Variants in C10orf90 observed in about 807,000 individuals in gnomAD.
The protein encoded by C10orf90 is (E2-independent) E3 ubiquitin-conjugating enzyme FATS.
C10orf90 carries 56 observed loss-of-function variants against 62.5 expected under a neutral mutation model. The ratio of observed to expected loss-of-function variants is 0.90; its 90% confidence interval spans 0.72 to 1.12. The LOEUF is 1.12. C10orf90 is among the 50% of genes most tolerant of loss of function. The pLI, the probability that C10orf90 is intolerant of heterozygous loss-of-function variation, is 0.00. For synonymous variants in C10orf90, 386 were observed against 340.4 expected (o/e 1.13, Z -1.47); for missense variants, 970 against 880.4 (o/e 1.10, Z -1.29).
At chr10:126,604,001 C>G (rs548771648) in intron 2 of C10orf90, among the ~76,000 whole-genome samples, 1 of 152,152 alleles carries the variant, frequency 6.6e-6, no homozygotes, top group African/African-American at 2.4e-5. Flanking sequence ...GAGCTCGAAG[C>G]CTGGAGTTGA....
chr10:126,538,497 A>T (rs925451197), intron 2 of C10orf90, among the ~76,000 whole-genome samples: 7 of 152,208 alleles, frequency 4.6e-5, no homozygotes, highest in African/African-American at 1.7e-4. Flanking sequence ...AGAACTGTGC[A>T]TCAATAAATG....
rs1031776239 is a variant in C10orf90, at chr10:126,583,541, T to C, written c.313+63024A>G. Among the ~76,000 whole-genome samples the C allele has an allele frequency of 3.2e-4, 49 of 152,238 alleles. 1 individual carries two copies. Among genetic ancestry groups the C allele is most frequent in the Non-Finnish European group, 2.9e-5 (2 of 68,050 alleles). On this transcript the variant is annotated intron_variant, in intron 2 of 9. Coordinates refer to ENST00000488181, the MANE Select transcript of C10orf90 (RefSeq NM_001350921.2). ...AGATTGAACACTATCAATTTTTTTC[T>C]TTTAAATAATCATTTCTTGGCATTT...
intron 2 of C10orf90, among the ~76,000 whole-genome samples, chr10:126,623,158 G>C (rs1273225678): frequency 1.3e-5 from 2 of 152,102 alleles, no homozygotes; most frequent in Non-Finnish European, 2.9e-5. Context: ...AAAAACCCAA[G>C]TCAGAGCAAG....
Position 126,615,158 on chromosome 10 carries a change from C to A in C10orf90, c.313+31407G>T, listed in dbSNP as rs772069121. ...AGGTTTCCAGAAATTAGAGAGGATG[C>A]GCCCTACCTCACCAAACCTGTCAAG... On this transcript the variant is annotated intron_variant, in intron 2 of 9. Transcript: ENST00000488181. Among the ~76,000 whole-genome samples the A allele has an allele frequency of 3.3e-5, 5 of 152,108 alleles. No individual in the cohort carries two copies. In the East Asian group the frequency reaches 5.8e-4, roughly 18 times the overall value.
At chr10:126,645,504 C>T (rs906669652) in intron 2 of C10orf90, among the ~76,000 whole-genome samples, 1 of 150,252 alleles carries the variant, frequency 6.7e-6, no homozygotes, top group East Asian at 2.0e-4. Flanking sequence ...GTGGGAGGAT[C>T]GCTTGAGCCC....
At position 126,532,862 on chromosome 10, in the gene C10orf90, G is replaced by GAAAAAAAA. The variant is rs1564860259; in HGVS notation, c.314-18924_314-18923insTTTTTTTT. Among the ~76,000 whole-genome samples the GAAAAAAAA allele has an allele frequency of 2.3e-4, 5 of 22,130 alleles. 1 individual carries two copies. The highest frequency in any genetic ancestry group is 5.0e-4 in the Non-Finnish European group (4 of 7,998). 14.5% of individuals were successfully genotyped at this position (22,130 alleles called of 152,430 possible). On this transcript the variant is annotated intron_variant, in intron 2 of 9. Coordinates refer to ENST00000488181, the MANE Select transcript of C10orf90 (RefSeq NM_001350921.2). ...CGTCTCAAAAAAAAAAAAAAATAGT[G>GAAAAAAAA]AGCACAAAACAAGTGTTTTCAAAAA...
At chr10:126,653,064 A>T (rs964163602) in intron 1 of C10orf90, among the ~76,000 whole-genome samples, 1 of 152,238 alleles carries the variant, frequency 6.6e-6, no homozygotes, top group African/African-American at 2.4e-5. Context: ...TTACTGCTAA[A>T]ACAAAAATGC....
chr10:126,478,593 C>A (rs1202024612), intron 4 of C10orf90, among the ~76,000 whole-genome samples: 1 of 152,170 alleles, frequency 6.6e-6, no homozygotes, highest in Admixed American at 6.5e-5. Context: ...ACCTCTCACC[C>A]CCGTGCTCAA....
At chr10:126,609,689 A>G (rs1845390937) in intron 2 of C10orf90, among the ~76,000 whole-genome samples, 1 of 152,232 alleles carries the variant, frequency 6.6e-6, no homozygotes, top group Non-Finnish European at 1.5e-5. Flanking sequence ...CCTTAGGAGC[A>G]GTGGCTTAGA....
chr10:126,660,969 C>G (rs1269957356), intron 1 of C10orf90, among the ~76,000 whole-genome samples: 1 of 152,176 alleles, frequency 6.6e-6, no homozygotes, highest in Non-Finnish European at 1.5e-5. Flanking sequence ...ATGGGACAAC[C>G]TTGAGAATCT....
At chr10:126,596,026 A>G (rs1372371527) in intron 2 of C10orf90, among the ~76,000 whole-genome samples, 1 of 152,186 alleles carries the variant, frequency 6.6e-6, no homozygotes, top group African/African-American at 2.4e-5. Flanking sequence ...AACACAGGAG[A>G]AAATCTTTGT....
intron 4 of C10orf90, chr10:126,469,854 G>A (rs1860475293): frequency 2.2e-6 from 1 of 456,644 alleles, no homozygotes; most frequent in Non-Finnish European, 4.4e-6. Flanking sequence ...ACTCTGCATG[G>A]GCGCCTGCAG....
intron 2 of C10orf90, among the ~76,000 whole-genome samples, chr10:126,641,599 A>T (rs1252850400): frequency 1.3e-5 from 2 of 152,034 alleles, no homozygotes; most frequent in Non-Finnish European, 2.9e-5. Context: ...TGAACTAGAC[A>T]CCTGACTTCC....
chr10:126,614,354 C>T (rs1283194800), intron 2 of C10orf90, among the ~76,000 whole-genome samples: 1 of 152,166 alleles, frequency 6.6e-6, no homozygotes, highest in East Asian at 1.9e-4. Flanking sequence ...TAAAAACATT[C>T]AAAGGGAATA....
intron 1 of C10orf90, among the ~76,000 whole-genome samples, chr10:126,651,104 T>C (rs1846283622): frequency 6.6e-6 from 1 of 152,176 alleles, no homozygotes; most frequent in Admixed American, 6.5e-5. Context: ...ACTAAATGCT[T>C]TACAAAGCAA....
intron 2 of C10orf90, among the ~76,000 whole-genome samples, chr10:126,600,865 C>T (rs1012695905): frequency 7.2e-5 from 11 of 152,248 alleles, no homozygotes; most frequent in African/African-American, 1.4e-4. Flanking sequence ...ATGAAATAAC[C>T]GCCTTGTAAA....
intron 2 of C10orf90, among the ~76,000 whole-genome samples, chr10:126,569,588 G>A (rs1844463431): frequency 6.6e-6 from 1 of 152,200 alleles, no homozygotes; most frequent in Non-Finnish European, 1.5e-5. Flanking sequence ...TTTTTGTAAA[G>A]AGATGAGAAA....
Position 126,560,712 on chromosome 10 carries a change from T to C in C10orf90, c.314-46773A>G, listed in dbSNP as rs116658408. On this transcript the variant is annotated intron_variant, in intron 2 of 9. Transcript: ENST00000488181. ...TGAAAGGGCCAGAGAGTCAATATCA[T>C]AGGCTTTGCAGGCCATGCTGTCTCT... Among the ~76,000 whole-genome samples, 817 of 152,266 alleles carry C rather than the reference T, an allele frequency of 5.4e-3. 8 individuals carry two copies. Among genetic ancestry groups the C allele is most frequent in the African/African-American group, 0.018 (751 of 41,568 alleles).
intron 1 of C10orf90, among the ~76,000 whole-genome samples, chr10:126,669,265 T>C (rs1846697131): frequency 6.6e-6 from 1 of 152,204 alleles, no homozygotes; most frequent in Non-Finnish European, 1.5e-5. Flanking sequence ...GTTGTGAACA[T>C]GGAAATTCAC....
Sources: gnomAD v4.1 joint callset for allele counts (sites outside exome capture counted in the v4.1 genomes callset) on GRCh38, gnomAD v4.1.1 for gene constraint, MANE v1.5 for transcripts, NCBI Gene and HGNC (gene_info 2026-07-23, HGNC 2026-07-21) for gene names.